The following PTPRD variants were observed in gnomAD, a reference collection of about 807,000 sequenced individuals.
PTPRD encodes receptor-type tyrosine-protein phosphatase delta.
A neutral mutation model predicts 214.5 loss-of-function variants in PTPRD; 34 were observed. That is an observed-to-expected ratio of 0.16 (90% CI 0.12 to 0.21). The LOEUF is 0.21. PTPRD is among the 10% of genes least tolerant of loss of function. PTPRD has a pLI of 1.00. For missense variants in PTPRD, 2,545 were observed against 2,398.7 expected (o/e 1.06, Z -1.27); for synonymous variants, 1,128 against 845.7 (o/e 1.33, Z -5.79).
chr9:9,481,747 T>C (rs1342521483), intron 8 of PTPRD, among the ~76,000 whole-genome samples: 3 of 152,082 alleles, frequency 2.0e-5, no homozygotes, highest in African/African-American at 7.2e-5. Flanking sequence ...TCTTGCCCCA[T>C]TTGACACCTA....
intron 5 of PTPRD, among the ~76,000 whole-genome samples, chr9:9,921,549 G>C (rs1289223131): frequency 6.6e-6 from 1 of 151,334 alleles, no homozygotes; most frequent in Non-Finnish European, 1.5e-5. Context: ...AGATGAAATA[G>C]AGTATATTCA....
At chr9:9,400,679 T>G (rs1448592425) in intron 8 of PTPRD, among the ~76,000 whole-genome samples, 4 of 152,044 alleles carry the variant, frequency 2.6e-5, no homozygotes, top group Non-Finnish European at 4.4e-5. Context: ...ATATAACTAT[T>G]GATTGAGAGA....
At chr9:9,817,874 C>G (rs1385533196) in intron 5 of PTPRD, among the ~76,000 whole-genome samples, 1 of 152,134 alleles carries the variant, frequency 6.6e-6, no homozygotes, top group Non-Finnish European at 1.5e-5. Flanking sequence ...GCTGTGCCTG[C>G]CATTGTGGAG....
At chr9:8,860,447 T>G (rs1400985743) in intron 11 of PTPRD, 2 of 152,172 alleles carry the variant, frequency 1.3e-5, no homozygotes. Context: ...ATCAAACATC[T>G]TAGAGAAAGA....
chr9:9,478,249 G>T (rs909220500), intron 8 of PTPRD, among the ~76,000 whole-genome samples: 13 of 152,056 alleles, frequency 8.5e-5, no homozygotes, highest in African/African-American at 1.4e-4. Flanking sequence ...TAACTGCATG[G>T]GTATCAAACA....
At chr9:9,289,138 A>G (rs1000561204) in intron 9 of PTPRD, among the ~76,000 whole-genome samples, 5 of 152,000 alleles carry the variant, frequency 3.3e-5, no homozygotes, top group Middle Eastern at 3.4e-3. Flanking sequence ...GTTACCCTCT[A>G]GAACACAAAT....
intron 2 of PTPRD, among the ~76,000 whole-genome samples, chr9:10,360,404 A>G (rs118022050): frequency 1.4e-4 from 21 of 152,378 alleles, no homozygotes; most frequent in Non-Finnish European, 2.8e-4. Flanking sequence ...ATTGCTAGCC[A>G]TTCTGCAGGG....
At chr9:10,279,879 T>A (rs2094989368) in intron 3 of PTPRD, among the ~76,000 whole-genome samples, 1 of 151,504 alleles carries the variant, frequency 6.6e-6, no homozygotes, top group South Asian at 2.1e-4. Context: ...ATATTTGTTA[T>A]CCTCATTTAT....
chr9:9,761,250 G>T (rs531741867), intron 6 of PTPRD, among the ~76,000 whole-genome samples: 1 of 152,284 alleles, frequency 6.6e-6, no homozygotes, highest in African/African-American at 2.4e-5. Flanking sequence ...CAACTTGGGT[G>T]AATCTCCAAA....
intron 12 of PTPRD, among the ~76,000 whole-genome samples, chr9:8,722,832 C>T (rs943731428): frequency 1.3e-5 from 2 of 152,150 alleles, no homozygotes; most frequent in Admixed American, 6.5e-5. Context: ...CCAGAGATAA[C>T]GAGCTAAAAG....
chr9:9,188,313 T>C (rs1035694595), intron 9 of PTPRD, among the ~76,000 whole-genome samples: 1 of 152,078 alleles, frequency 6.6e-6, no homozygotes, highest in African/African-American at 2.4e-5. Context: ...TTTAAAGCAA[T>C]TACAATTAAT....
At chr9:8,342,179 A>C (rs1853067254) in intron 39 of PTPRD, among the ~76,000 whole-genome samples, 1 of 152,102 alleles carries the variant, frequency 6.6e-6, no homozygotes, top group Non-Finnish European at 1.5e-5. Flanking sequence ...CAAAAGACTG[A>C]GTAAAATTAG....
chr9:9,584,528 C>T (rs1331845111), intron 7 of PTPRD, among the ~76,000 whole-genome samples: 1 of 151,910 alleles, frequency 6.6e-6, no homozygotes, highest in African/African-American at 2.4e-5. Flanking sequence ...CTGCTTCTCT[C>T]TCCTGCTATG....
At chr9:10,077,555 A>T (rs2098153355) in intron 3 of PTPRD, among the ~76,000 whole-genome samples, 1 of 152,100 alleles carries the variant, frequency 6.6e-6, no homozygotes, top group Non-Finnish European at 1.5e-5. Context: ...GATAAGTTGC[A>T]TGTCACTGGG....
At chr9:9,564,892 T>TTG (rs1555578966) in intron 8 of PTPRD, among the ~76,000 whole-genome samples, 4 of 132,870 alleles carry the variant, frequency 3.0e-5, no homozygotes, top group Admixed American at 7.5e-5. Flanking sequence ...CTGTTTTTTT[T>TTG]TTTTTTTTTT....
chr9:9,427,662 G>C (rs762020862), intron 8 of PTPRD, among the ~76,000 whole-genome samples: 1 of 152,168 alleles, frequency 6.6e-6, no homozygotes, highest in Non-Finnish European at 1.5e-5. Flanking sequence ...CAGCCAGAGA[G>C]AAAGGTTGGG....
intron 11 of PTPRD, among the ~76,000 whole-genome samples, chr9:8,933,571 A>G (rs2098969290): frequency 6.6e-6 from 1 of 152,016 alleles, no homozygotes; most frequent in Non-Finnish European, 1.5e-5. Flanking sequence ...ATTTTCATTC[A>G]GTGAGCTAAT....
Position 9,392,757 on chromosome 9 carries a change from C to G in PTPRD, c.-203+4692G>C, listed in dbSNP as rs188488214. On this transcript the variant is annotated intron_variant, in intron 9 of 45. Coordinates refer to ENST00000381196, the MANE Select transcript of PTPRD (RefSeq NM_002839.4). ...CACTGTTATTGGAATAAGCCCAGGT[C>G]AAATTTGTCTATGATGTCTCTTCAA... Among the ~76,000 whole-genome samples the G allele has an allele frequency of 1.8e-3, 277 of 152,288 alleles. 4 individuals carry two copies. Among genetic ancestry groups the G allele is most frequent in the Admixed American group, 0.015 (226 of 15,276 alleles).
At chr9:10,469,528 C>G (rs972248209) in intron 2 of PTPRD, among the ~76,000 whole-genome samples, 1 of 151,910 alleles carries the variant, frequency 6.6e-6, no homozygotes, top group African/African-American at 2.4e-5. Flanking sequence ...ACGTGAAAAG[C>G]TCACACTAAA....
Sources: allele counts gnomAD v4.1 joint callset (sites outside exome capture counted in the v4.1 genomes callset), GRCh38; gene constraint gnomAD v4.1.1; transcripts MANE v1.5; gene names NCBI Gene and HGNC (gene_info 2026-07-23, HGNC 2026-07-21).